Variants in EYA1 observed in about 807,000 individuals in gnomAD.
EYA1 encodes the protein protein phosphatase EYA1.
Under a neutral mutation model 82.0 loss-of-function variants are expected in EYA1, and 16 were observed. That is an observed-to-expected ratio of 0.20 (90% CI 0.13 to 0.30). The LOEUF is 0.30. Ranked by LOEUF, EYA1 falls within the 10% of genes least tolerant of loss-of-function variation. The probability of loss-of-function intolerance (pLI) is 1.00; values close to 1 mark genes in which losing one functional copy is unlikely to be tolerated. For missense variants in EYA1, 633 were observed against 730.7 expected (o/e 0.87, Z 1.54); for synonymous variants, 261 against 264.4 (o/e 0.99, Z 0.12).
intron 9 of EYA1, among the ~76,000 whole-genome samples, chr8:71,295,466 T>C (rs1819495728): frequency 1.3e-5 from 2 of 152,146 alleles, no homozygotes; most frequent in Admixed American, 1.3e-4. Flanking sequence ...CAAATAAGCA[T>C]ATGAAAAGGT....
chr8:71,389,500 G>A (rs1307000741), intron 2 of EYA1, among the ~76,000 whole-genome samples: 2 of 152,108 alleles, frequency 1.3e-5, no homozygotes, highest in African/African-American at 2.4e-5. Context: ...GTTTCAAAAC[G>A]TGAGTTGGCA....
chr8:71,437,997 G>T (rs565404373), intron 2 of EYA1, among the ~76,000 whole-genome samples: 2 of 152,186 alleles, frequency 1.3e-5, no homozygotes, highest in South Asian at 4.1e-4. Context: ...GATCTGAAAG[G>T]ATCTTGACAA....
chr8:71,238,241 T>C (rs1812077658), intron 12 of EYA1, among the ~76,000 whole-genome samples: 1 of 152,218 alleles, frequency 6.6e-6, no homozygotes. Flanking sequence ...AAGTTGGGTC[T>C]GTGCCTGAGC....
chr8:71,208,381 G>A (rs559417739), intron 17 of EYA1, among the ~76,000 whole-genome samples: 19 of 152,094 alleles, frequency 1.2e-4, no homozygotes, highest in Admixed American at 3.3e-4. Flanking sequence ...GCAGTGAGCC[G>A]AGATCGCGCT....
chr8:71,545,853 C>G (rs1815520929), intron 1 of EYA1, among the ~76,000 whole-genome samples: 1 of 152,166 alleles, frequency 6.6e-6, no homozygotes, highest in African/African-American at 2.4e-5. Flanking sequence ...AGCCACTGTG[C>G]CCGGCCTTTT....
At chr8:71,510,895 C>T (rs1438398676) in intron 2 of EYA1, among the ~76,000 whole-genome samples, 2 of 152,228 alleles carry the variant, frequency 1.3e-5, no homozygotes. Context: ...TCAGCTAGAT[C>T]TTTCTTTCTT....
At chr8:71,531,880 G>A (rs1173500935) in intron 2 of EYA1, among the ~76,000 whole-genome samples, 2 of 152,136 alleles carry the variant, frequency 1.3e-5, no homozygotes, top group Admixed American at 6.5e-5. Flanking sequence ...AAAATCACAC[G>A]TGTTACTGAC....
intron 1 of EYA1, among the ~76,000 whole-genome samples, chr8:71,358,656 C>T (rs1390738120): frequency 1.3e-5 from 2 of 152,148 alleles, no homozygotes; most frequent in Admixed American, 6.5e-5. Context: ...CTACACTTCA[C>T]ATGCTTTTAG....
chr8:71,356,618 A>G, intron 1 of EYA1, 107 bp from the exon 2 acceptor site: 1 of 1,411,938 alleles, frequency 7.1e-7, no homozygotes, highest in Non-Finnish European at 9.2e-7. Context: ...TCTTTTAACC[A>G]AAAGAGAAAA....
chr8:71,368,293 G>T (rs183938968), intron 2 of EYA1, among the ~76,000 whole-genome samples: 2 of 152,014 alleles, frequency 1.3e-5, no homozygotes, highest in Non-Finnish European at 2.9e-5. Context: ...CAGAGCGCCC[G>T]TAGAGGAGCC....
intron 2 of EYA1, among the ~76,000 whole-genome samples, chr8:71,527,050 G>A (rs1813872111): frequency 6.6e-6 from 1 of 152,170 alleles, no homozygotes; most frequent in African/African-American, 2.4e-5. Context: ...GCACAGAAAT[G>A]TGGACATCAA....
At chr8:71,411,707 A>G (rs891195091) in intron 2 of EYA1, among the ~76,000 whole-genome samples, 1 of 147,952 alleles carries the variant, frequency 6.8e-6, no homozygotes, top group Non-Finnish European at 1.5e-5. Flanking sequence ...TAGAATGGCA[A>G]TCATTAAAAA....
rs7835813 is a variant in EYA1 at position 71,269,712 on chromosome 8, T to G, written c.1050+28A>C. The G allele has an allele frequency of 3.0e-3, 4,758 of 1,560,082 alleles. 118 individuals carry two copies. In the African/African-American group the frequency reaches 0.054, roughly 18 times the overall value. On this transcript the variant is annotated intron_variant, in intron 11 of 17. Coordinates refer to ENST00000340726, the MANE Select transcript of EYA1 (RefSeq NM_000503.6). ...TAGAGGTATATTTACTCCAAAGAAA[T>G]TAAAAACTGATGCCTCTTGGTACTC...
chr8:71,269,986 T>G (rs1455682029), intron 10 of EYA1, among the ~76,000 whole-genome samples, 163 bp from the exon 11 acceptor site: 1 of 152,200 alleles, frequency 6.6e-6, no homozygotes. Context: ...ATCTCCTAAC[T>G]TTTCTCCAGA....
chr8:71,361,981 G>A lies in EYA1; in HGVS notation c.-389C>T. On this transcript the variant is annotated 5_prime_UTR_variant, in exon 1 of 18. Coordinates refer to ENST00000340726, the MANE Select transcript of EYA1 (RefSeq NM_000503.6). ...GAGTTTCTACCTCGCCCCAAACTCG[G>A]AGCCATCAGCTCCCACCGTTCTGTT... 1.0e-6 allele frequency: 1 copy of A among 985,242 alleles called. No individual in the cohort carries two copies. The highest frequency in any genetic ancestry group is 4.7e-5 in the South Asian group (1 of 21,282). The allele number at this position is 985,242 out of a possible 1,614,324, so 61.0% of individuals were successfully genotyped here.
chr8:71,347,905 AAAC>A (rs1460588004), intron 3 of EYA1, among the ~76,000 whole-genome samples: 3,356 of 146,498 alleles, frequency 0.023, 130 homozygotes, highest in African/African-American at 0.086. Flanking sequence ...AAAAAAAAAA[AAAC>A]CCCAAATCTG....
intron 2 of EYA1, among the ~76,000 whole-genome samples, chr8:71,452,395 C>T (rs1180797099): frequency 6.6e-6 from 1 of 152,136 alleles, no homozygotes; most frequent in Non-Finnish European, 1.5e-5. Context: ...CTTAAATGTC[C>T]CTGTCTAATA....
rs561440455 is a variant in EYA1, at chr8:71,457,317, G to T, written c.33+78427C>A. On this transcript the variant is annotated intron_variant, in intron 2 of 18. Transcript: ENST00000643681. ...AACACTTTTACACTGTTGGTGGGAG[G>T]GTAAACTAGTTCAACCATTGTGGAA... 2.7e-3 allele frequency among the ~76,000 whole-genome samples: 413 copies of T among 152,010 alleles called. 1 individual carries two copies. The highest frequency in any genetic ancestry group is 8.8e-3 in the African/African-American group (364 of 41,454).
intron 1 of EYA1, among the ~76,000 whole-genome samples, chr8:71,540,990 C>T (rs974180404): frequency 6.6e-6 from 1 of 152,122 alleles, no homozygotes; most frequent in Non-Finnish European, 1.5e-5. Context: ...GTGAAATGAA[C>T]CGTTGGATAA....
Sources: gnomAD v4.1 joint callset for allele counts (sites outside exome capture counted in the v4.1 genomes callset) on GRCh38, gnomAD v4.1.1 for gene constraint, MANE v1.5 for transcripts, NCBI Gene and HGNC (gene_info 2026-07-23, HGNC 2026-07-21) for gene names.